Variants in ADAMTS12 observed in about 807,000 individuals in gnomAD.
ADAMTS12 encodes A disintegrin and metalloproteinase with thrombospondin motifs 12.
A neutral mutation model predicts 167.8 loss-of-function variants in ADAMTS12; 118 were observed. The ratio of observed to expected loss-of-function variants is 0.70; its 90% confidence interval spans 0.61 to 0.82. The LOEUF is 0.82. ADAMTS12 is among the 40% of genes least tolerant of loss of function. The probability of loss-of-function intolerance (pLI) is 0.00; values close to 1 mark genes in which losing one functional copy is unlikely to be tolerated. For missense variants in ADAMTS12, 1,916 were observed against 1,998.8 expected (o/e 0.96, Z 0.79); for synonymous variants, 704 against 716.9 (o/e 0.98, Z 0.29).
chr5:33,534,525 C>G (rs1744277172), intron 23 of ADAMTS12, among the ~76,000 whole-genome samples: 1 of 152,094 alleles, frequency 6.6e-6, no homozygotes, highest in African/African-American at 2.4e-5. Context: ...TCTTTGAAAG[C>G]ATAGAAGTAA....
intron 2 of ADAMTS12, among the ~76,000 whole-genome samples, chr5:33,871,890 G>A (rs1561320046): frequency 6.6e-6 from 1 of 151,948 alleles, no homozygotes; most frequent in Non-Finnish European, 1.5e-5. Flanking sequence ...CATTATGTGA[G>A]AAATATTATA....
intron 3 of ADAMTS12, among the ~76,000 whole-genome samples, chr5:33,732,865 C>T (rs548039074): frequency 6.6e-6 from 1 of 151,926 alleles, no homozygotes; most frequent in African/African-American, 2.4e-5. Flanking sequence ...AGTCCAACAC[C>T]AGGGGAATGT....
chr5:33,733,207 TATA>T (rs34672289), intron 3 of ADAMTS12, among the ~76,000 whole-genome samples: 76,081 of 151,662 alleles, frequency 0.5, 21,964 homozygotes, highest in Non-Finnish European at 0.66. Context: ...ATTTGGTTAT[TATA>T]ATAACCAAGT....
intron 2 of ADAMTS12, among the ~76,000 whole-genome samples, chr5:33,769,390 C>T (rs1342651962): frequency 6.6e-6 from 1 of 152,158 alleles, no homozygotes; most frequent in Non-Finnish European, 1.5e-5. Flanking sequence ...TGGGTGCCAG[C>T]TCTTAATAGA....
At chr5:33,844,708 T>G (rs1339810412) in intron 2 of ADAMTS12, among the ~76,000 whole-genome samples, 11 of 152,224 alleles carry the variant, frequency 7.2e-5, no homozygotes, top group Admixed American at 7.2e-4. Flanking sequence ...TATTACCTTG[T>G]GAAGCACGTG....
chr5:33,561,327 C>T, intron 19 of ADAMTS12, 148 bp from the exon 20 acceptor site: 1 of 950,312 alleles, frequency 1.1e-6, no homozygotes, highest in Non-Finnish European at 1.5e-6. Context: ...TGGGGCACCC[C>T]ACTCACACAA....
intron 2 of ADAMTS12, among the ~76,000 whole-genome samples, chr5:33,851,891 C>T (rs893845965): frequency 3.9e-5 from 6 of 152,234 alleles, no homozygotes; most frequent in African/African-American, 7.2e-5. Flanking sequence ...TGTGCACACA[C>T]GCATGTGCAA....
At chr5:33,565,552 T>G (rs1052182772) in intron 19 of ADAMTS12, among the ~76,000 whole-genome samples, 1 of 152,218 alleles carries the variant, frequency 6.6e-6, no homozygotes, top group African/African-American at 2.4e-5. Context: ...TGGAGTTCTA[T>G]TCTAGTAATA....
At chr5:33,847,032 G>C (rs1244774503) in intron 2 of ADAMTS12, among the ~76,000 whole-genome samples, 1 of 152,160 alleles carries the variant, frequency 6.6e-6, no homozygotes, top group East Asian at 1.9e-4. Context: ...GACACCAGCT[G>C]CCTCTGATCA....
chr5:33,724,910 C>T (rs981011600), intron 3 of ADAMTS12, among the ~76,000 whole-genome samples: 7 of 152,166 alleles, frequency 4.6e-5, no homozygotes, highest in Non-Finnish European at 7.3e-5. Flanking sequence ...GCCAACCAAT[C>T]CAAAGCTATT....
In ADAMTS12 at chr5:33,841,967, AT is replaced by A. The variant is rs1748760315; in HGVS notation, c.489+39151del. Among the ~76,000 whole-genome samples the A allele has an allele frequency of 2.0e-5, 3 of 152,266 alleles. No individual in the cohort carries two copies. The South Asian group carries it at 6.2e-4, about 32-fold the overall frequency. ...ACCATGAAATTCCACACCCTGACAC[AT>A]CTTCATTTTCCTCTTACACCATCCC... On this transcript the variant is annotated intron_variant, in intron 2 of 23. Coordinates refer to ENST00000504830, the MANE Select transcript of ADAMTS12 (RefSeq NM_030955.4).
intron 3 of ADAMTS12, among the ~76,000 whole-genome samples, chr5:33,729,080 A>G (rs1744085510): frequency 6.6e-6 from 1 of 152,246 alleles, no homozygotes; most frequent in South Asian, 2.1e-4. Context: ...GCTTGGTATG[A>G]TGATGACAGC....
chr5:33,658,454 T>C, intron 6 of ADAMTS12, 121 bp from the exon 7 acceptor site: 5 of 1,182,064 alleles, frequency 4.2e-6, no homozygotes, highest in Non-Finnish European at 5.9e-6. Flanking sequence ...TGGCATTTTT[T>C]AAAAAGTCTA....
intron 2 of ADAMTS12, among the ~76,000 whole-genome samples, chr5:33,796,545 C>A (rs1027374844): frequency 6.6e-6 from 1 of 152,168 alleles, no homozygotes; most frequent in African/African-American, 2.4e-5. Flanking sequence ...TTCTTATAGG[C>A]AGATGGAGAG....
chr5:33,806,835 G>A (rs1360247443), intron 2 of ADAMTS12, among the ~76,000 whole-genome samples: 2 of 152,066 alleles, frequency 1.3e-5, no homozygotes, highest in Non-Finnish European at 2.9e-5. Context: ...TTCTCCTGAC[G>A]ACGGCTGTCA....
chr5:33,639,093 T>A (rs982160467), intron 11 of ADAMTS12, among the ~76,000 whole-genome samples: 2 of 152,222 alleles, frequency 1.3e-5, no homozygotes, highest in African/African-American at 4.8e-5. Flanking sequence ...TCAGTTTTTT[T>A]TCGTTTGTAA....
chr5:33,815,474 C>T (rs1747615267), intron 2 of ADAMTS12, among the ~76,000 whole-genome samples: 1 of 152,216 alleles, frequency 6.6e-6, no homozygotes, highest in Non-Finnish European at 1.5e-5. Flanking sequence ...AAAGAGGGCC[C>T]TTGCCCTGAA....
At chr5:33,697,572 T>C (rs1742828730) in intron 3 of ADAMTS12, among the ~76,000 whole-genome samples, 1 of 51,186 alleles carries the variant, frequency 2.0e-5, no homozygotes, top group African/African-American at 7.4e-5. Flanking sequence ...TTTTCCCTTT[T>C]TCTCCTTTTC....
At chr5:33,799,256 T>A (rs1349485193) in intron 2 of ADAMTS12, among the ~76,000 whole-genome samples, 2 of 152,232 alleles carry the variant, frequency 1.3e-5, no homozygotes, top group Non-Finnish European at 2.9e-5. Context: ...ACTAATTAAG[T>A]GCAAACACAG....
Sources: allele counts gnomAD v4.1 joint callset (sites outside exome capture counted in the v4.1 genomes callset), GRCh38; gene constraint gnomAD v4.1.1; transcripts MANE v1.5; gene names NCBI Gene and HGNC (gene_info 2026-07-23, HGNC 2026-07-21).